Variants in SHISA9 observed in about 807,000 individuals in gnomAD.
The protein encoded by SHISA9 is protein shisa-9.
Under a neutral mutation model 38.0 loss-of-function variants are expected in SHISA9, and 13 were observed. The observed-to-expected ratio is 0.34, with a 90% confidence interval of 0.22 to 0.54. The LOEUF is 0.54. Ranked by LOEUF, SHISA9 falls within the 20% of genes least tolerant of loss-of-function variation. The pLI is 0.91. For synonymous variants in SHISA9, 275 were observed against 242.0 expected, an observed-to-expected ratio of 1.14 and a Z score of -1.27; for missense variants, 538 against 575.8, an observed-to-expected ratio of 0.93 and a Z score of 0.67.
the SHISA9 span, among the ~76,000 whole-genome samples, chr16:13,546,826 G>A: frequency 2.0e-5 from 3 of 152,062 alleles, no homozygotes; most frequent in Admixed American, 1.3e-4. Context: ...GAAACCATAC[G>A]GTCTGTTAAG....
intron 2 of SHISA9, among the ~76,000 whole-genome samples, chr16:13,015,854 C>CTTTCTTTGTTTG (rs1434550570): frequency 6.6e-5 from 1 of 15,104 alleles, no homozygotes; most frequent in Non-Finnish European, 1.1e-4. Context: ...CTTTCTTTCC[C>CTTTCTTTGTTTG]TTTCTTTCTT....
chr16:13,445,423 A>G, the SHISA9 span, among the ~76,000 whole-genome samples: 1 of 152,190 alleles, frequency 6.6e-6, no homozygotes, highest in African/African-American at 2.4e-5. Context: ...CCCAATTCCT[A>G]TAATAGTCTT....
chr16:13,020,726 C>T (rs1458169841), intron 2 of SHISA9, among the ~76,000 whole-genome samples: 3 of 152,152 alleles, frequency 2.0e-5, no homozygotes, highest in South Asian at 2.1e-4. Flanking sequence ...CTCCACCATC[C>T]CTTCTCTTTT....
intron 2 of SHISA9, among the ~76,000 whole-genome samples, chr16:13,112,796 C>T (rs933713819): frequency 2.0e-5 from 3 of 152,108 alleles, no homozygotes; most frequent in Non-Finnish European, 4.4e-5. Flanking sequence ...GGCTCCCACT[C>T]GCCTTTGTGA....
the SHISA9 span, among the ~76,000 whole-genome samples, chr16:13,390,532 C>T: frequency 6.6e-6 from 1 of 152,174 alleles, no homozygotes; most frequent in African/African-American, 2.4e-5. Flanking sequence ...TCTCACTCTG[C>T]TGCTGCCCTT....
the SHISA9 span, among the ~76,000 whole-genome samples, chr16:13,488,712 A>G: frequency 1.2e-4 from 19 of 152,360 alleles, no homozygotes; most frequent in East Asian, 2.1e-3. Context: ...TGTTTGCACA[A>G]TGATCCAATC....
intron 2 of SHISA9, among the ~76,000 whole-genome samples, chr16:13,180,229 C>T (rs567384204): frequency 1.3e-5 from 2 of 152,342 alleles, no homozygotes; most frequent in South Asian, 4.1e-4. Flanking sequence ...CCTCTGCCGC[C>T]TGTCTGGCTT....
chr16:13,534,635 A>G, the SHISA9 span, among the ~76,000 whole-genome samples: 60 of 152,320 alleles, frequency 3.9e-4, no homozygotes, highest in African/African-American at 1.3e-3. Flanking sequence ...GACACATTTG[A>G]CCACATCTCC....
At chr16:13,026,017 C>T (rs2072917105) in intron 2 of SHISA9, among the ~76,000 whole-genome samples, 1 of 152,082 alleles carries the variant, frequency 6.6e-6, no homozygotes, top group Non-Finnish European at 1.5e-5. Context: ...GTTGGTCAGG[C>T]TGGTCTCGAA....
the SHISA9 span, among the ~76,000 whole-genome samples, chr16:13,488,098 C>G: frequency 6.6e-6 from 1 of 152,122 alleles, no homozygotes; most frequent in Non-Finnish European, 1.5e-5. Context: ...TAATGGACCA[C>G]CAGGGGGGTT....
Position 13,208,028 on chromosome 16 carries a change from C to T in SHISA9, c.847+4479C>T, listed in dbSNP as rs547011947. On this transcript the variant is annotated intron_variant, in intron 3 of 4. Transcript: ENST00000558583. ...AATAAATTTCTCTGGGAAGCTTTAA[C>T]ATCCAGAGCTCTGGGAAGATGATCA... Among the ~76,000 whole-genome samples, 198 of 152,284 alleles carry T rather than the reference C, an allele frequency of 1.3e-3. 1 individual carries two copies. The highest frequency in any genetic ancestry group is 4.6e-3 in the African/African-American group (192 of 41,568).
the SHISA9 span, among the ~76,000 whole-genome samples, chr16:13,409,216 C>T: frequency 1.1e-3 from 163 of 152,296 alleles, 1 homozygote; most frequent in Non-Finnish European, 1.4e-3. Context: ...TCTTCCCACT[C>T]CATCCCCCTT....
chr16:13,068,411 C>T (rs1404091005), intron 2 of SHISA9, among the ~76,000 whole-genome samples: 1 of 152,124 alleles, frequency 6.6e-6, no homozygotes, highest in African/African-American at 2.4e-5. Context: ...GTGTGAACAC[C>T]CACACAGACA....
intron 2 of SHISA9, among the ~76,000 whole-genome samples, chr16:13,078,800 T>A (rs2073614036): frequency 6.6e-6 from 1 of 152,242 alleles, no homozygotes; most frequent in Non-Finnish European, 1.5e-5. Flanking sequence ...TCTAAGTGTT[T>A]GATGGAGTCC....
chr16:13,451,648 A>G, the SHISA9 span, among the ~76,000 whole-genome samples: 5 of 152,186 alleles, frequency 3.3e-5, no homozygotes, highest in Non-Finnish European at 7.3e-5. Flanking sequence ...AGCAAGAGGA[A>G]TCATGGAGGA....
the SHISA9 span, among the ~76,000 whole-genome samples, chr16:13,451,750 A>G: frequency 6.6e-6 from 1 of 152,214 alleles, no homozygotes; most frequent in Non-Finnish European, 1.5e-5. Context: ...GAATGTAGAG[A>G]CATAGGCATG....
At chr16:13,041,165 G>A (rs2073127843) in intron 2 of SHISA9, among the ~76,000 whole-genome samples, 1 of 152,156 alleles carries the variant, frequency 6.6e-6, no homozygotes, top group African/African-American at 2.4e-5. Flanking sequence ...TGTTCAAAAT[G>A]GTATTTTATC....
At chr16:13,474,157 C>A in the SHISA9 span, 1 of 152,172 alleles carries the variant, frequency 6.6e-6, no homozygotes, top group South Asian at 2.1e-4. Flanking sequence ...GTTTCTGTTA[C>A]TTGCAGCTGA....
intron 2 of SHISA9, among the ~76,000 whole-genome samples, chr16:13,192,990 A>C (rs947032840): frequency 6.6e-6 from 1 of 152,176 alleles, no homozygotes; most frequent in African/African-American, 2.4e-5. Context: ...AAGAAGAAAC[A>C]AAAAAGCATA....
Sources: allele counts gnomAD v4.1 joint callset (sites outside exome capture counted in the v4.1 genomes callset), GRCh38; gene constraint gnomAD v4.1.1; transcripts MANE v1.5; gene names NCBI Gene and HGNC (gene_info 2026-07-23, HGNC 2026-07-21).